Variants in SCRIB observed in about 807,000 individuals in gnomAD.
SCRIB encodes the protein scribble planar cell polarity protein.
SCRIB carries 72 observed loss-of-function variants against 170.0 expected under a neutral mutation model. The ratio of observed to expected loss-of-function variants is 0.42; its 90% CI spans 0.35 to 0.52. The LOEUF is 0.52. Ranked by LOEUF, SCRIB falls within the 20% of genes least tolerant of loss-of-function variation. The probability of loss-of-function intolerance (pLI) is 0.02; values close to 1 mark genes in which losing one functional copy is unlikely to be tolerated. For missense variants in SCRIB, 2,475 were observed against 2,338.5 expected, an observed-to-expected ratio of 1.06 and a Z score of -1.20; for synonymous variants, 1,298 against 1,044.3, an observed-to-expected ratio of 1.24 and a Z score of -4.68.
rs781942367 is a variant in SCRIB, at chr8:143,804,551, G to A, written c.3009+17C>T. ...GCTGAAGCTGGGTGGGTGCCTGGGT[G>A]GGGGCTTGTGTCTCACCTCCACTGG... On this transcript the variant is annotated intron_variant, in intron 21 of 36. Coordinates refer to ENST00000356994, the MANE Select transcript of SCRIB (RefSeq NM_182706.5). The A allele has an allele frequency of 1.7e-5, 25 of 1,490,308 alleles. No individual in the cohort carries two copies. Among genetic ancestry groups the A allele is most frequent in the Admixed American group, 7.0e-5 (3 of 43,126 alleles). The allele number at this position is 1,490,308 out of a possible 1,614,324, so 92.3% of individuals were successfully genotyped here. A position where few individuals can be genotyped will look rare whatever the true frequency, so the allele number is the denominator to read the frequency against.
Position 143,813,863 on chromosome 8 carries a change from C to A in SCRIB, c.311G>T (p.Cys104Phe). The change falls in exon 3 of 37, where the codon TGC (cysteine) becomes TTC (phenylalanine). Residue 104 changes from cysteine to phenylalanine, a missense_variant. This residue lies in a region of SCRIB where 487 missense variants were observed against 558.1 expected (regional missense o/e 0.87). Transcript: ENST00000356994. Reference protein sequence around the residue: ...IPEIPESIKFCKALEIADFSG... With the variant: ...IPEIPESIKFFKALEIADFSG... ...GAAGTCCGCGATCTCCAGAGCCTTG[C>A]AGAACTTGATGCTCTCCGGGATCTC... 1 of 1,609,520 alleles carries A rather than the reference C, an allele frequency of 6.2e-7. No homozygotes were observed. The highest frequency in any genetic ancestry group is 8.5e-7 in the Non-Finnish European group (1 of 1,177,112).
At position 143,809,836 on chromosome 8, in the gene SCRIB, G is replaced by A. The variant is rs200567180; in HGVS notation, c.1531-118C>T. The A allele has an allele frequency of 3.6e-5, 43 of 1,180,290 alleles. No homozygotes were observed. The East Asian group carries it at 7.6e-4, about 21-fold the overall frequency. 73.1% of individuals were successfully genotyped at this position (1,180,290 alleles called of 1,614,324 possible). A position where few individuals can be genotyped will look rare whatever the true frequency, so the allele number is the denominator to read the frequency against. Reference sequence around the variant, plus strand: ...CTTCCCGCTGCCCCGACCAGGCACCGTTAACGGGCTCACGCCCTCGCAGCT... The same window carrying A: ...CTTCCCGCTGCCCCGACCAGGCACCATTAACGGGCTCACGCCCTCGCAGCT... On this transcript the variant is annotated intron_variant, in intron 13 of 36. Coordinates refer to ENST00000356994, the MANE Select transcript of SCRIB (RefSeq NM_182706.5).
Position 143,791,725 on chromosome 8 carries a change from T to A in SCRIB, c.4711A>T (p.Lys1571Ter). The A allele has an allele frequency of 1.9e-6, 3 of 1,599,602 alleles. No individual in the cohort carries two copies. The highest frequency in any genetic ancestry group is 2.6e-6 in the Non-Finnish European group (3 of 1,169,606). The change falls in exon 35 of 37, where the codon AAG (lysine) becomes TAG (stop). Residue 1571 changes from lysine to a stop codon, truncating the protein, a stop_gained. Transcript: ENST00000356994. LOFTEE classifies it high-confidence loss of function. ...GCCGCAAAGGCCCTGTAGTCAAACT[T>A]CTTTCCAGACAAGGGCTTGAAAGGA... ...SPGRLPLSGK[K>*]FDYRAFAALP... is the part of the protein sequence containing the mutation.
Position 143,808,697 on chromosome 8 carries a change from TCCTCTTCCTCCTCCTCCTGAGGACTAC to T in SCRIB, c.2000_2026del (p.Gly667_Glu675del), listed in dbSNP as rs765900282. 157 of 1,552,136 alleles carry T rather than the reference TCCTCTTCCTCCTCCTCCTGAGGACTAC, an allele frequency of 1.0e-4. No homozygotes were observed. The South Asian group carries it at 1.3e-3, about 13-fold the overall frequency. ...CTCTTCAGCCCTGTTTTCCTCCTCC[TCCTCTTCCTCCTCCTCCTGAGGACTAC>T]CCTCTTCCTCCTCCTCCTCCTCCTT... On this transcript the variant is annotated inframe_deletion, in exon 15 of 37. Coordinates refer to ENST00000356994, the MANE Select transcript of SCRIB (RefSeq NM_182706.5).
chr8:143,813,977 C>A, intron 2 of SCRIB, 24 bp downstream of exon 2: 2 of 1,575,132 alleles, frequency 1.3e-6, no homozygotes, highest in Non-Finnish European at 8.6e-7. Context: ...CAGACCCCAC[C>A]CAGCCCCTGC....
Position 143,813,815 on chromosome 8 carries a change from C to A in SCRIB, c.356+3G>T, listed in dbSNP as rs762532858. The stretch of plus-strand genomic sequence containing the variant: ...ACCGACCCCACCACAGGCTGCCACC[C>A]ACCTGGAGAGGGGGTTCCCGCTGAA... On this transcript the variant is annotated splice_donor_region_variant and intron_variant, in intron 3 of 36. Coordinates refer to ENST00000356994, the MANE Select transcript of SCRIB (RefSeq NM_182706.5). 4 of 1,608,718 alleles carry A rather than the reference C, an allele frequency of 2.5e-6. No homozygotes were observed. The highest frequency in any genetic ancestry group is 3.4e-6 in the Non-Finnish European group (4 of 1,176,754).
rs781840785 is a variant in SCRIB at position 143,805,109 on chromosome 8, C to T, written c.2670+3G>A. On this transcript the variant is annotated splice_donor_region_variant and intron_variant, in intron 19 of 36. Coordinates refer to ENST00000356994, the MANE Select transcript of SCRIB (RefSeq NM_182706.5). ...CCTCCCCGGCCCTGGGCCCCAGCCTCACCGCATCACCAGCCCTGTAGGGTG... is the reference window on the plus strand; with the variant it reads ...CCTCCCCGGCCCTGGGCCCCAGCCTTACCGCATCACCAGCCCTGTAGGGTG... 1.3e-6 allele frequency: 2 copies of T among 1,598,768 alleles called. No homozygotes were observed. Among genetic ancestry groups the T allele is most frequent in the Non-Finnish European group, 1.7e-6 (2 of 1,172,754 alleles).
chr8:143,791,118 G>C lies in SCRIB; in HGVS notation c.*45C>G. 1 of 1,383,276 alleles carries C rather than the reference G, an allele frequency of 7.2e-7. No individual in the cohort carries two copies. The highest frequency in any genetic ancestry group is 9.4e-7 in the Non-Finnish European group (1 of 1,069,100). 85.7% of individuals were successfully genotyped at this position (1,383,276 alleles called of 1,614,324 possible). ...GACTTGGGGCAAGGGTGGTGCTGGAGCTGGCAGGGCCCCCACCCCAAGTCT... is the reference window on the plus strand; with the variant it reads ...GACTTGGGGCAAGGGTGGTGCTGGACCTGGCAGGGCCCCCACCCCAAGTCT... On this transcript the variant is annotated 3_prime_UTR_variant, in exon 37 of 37. Transcript: ENST00000356994.
chr8:143,813,428 T>C lies in SCRIB; in HGVS notation c.503+42A>G, dbSNP rs201783859. The C allele has an allele frequency of 4.8e-4, 771 of 1,612,608 alleles. 5 individuals are homozygous for C. The East Asian group carries it at 0.016, about 33-fold the overall frequency. ...CCACGCAGCCCTGGTCCCTGGGCTG[T>C]GGCCCTGCCCTGGCTGTTAGGAGAA... On this transcript the variant is annotated intron_variant, in intron 5 of 36. Coordinates refer to ENST00000356994, the MANE Select transcript of SCRIB (RefSeq NM_182706.5).
intron 2 of SCRIB, 49 bp downstream of exon 2, chr8:143,813,952 C>A: frequency 6.3e-7 from 1 of 1,585,408 alleles, no homozygotes; most frequent in South Asian, 1.1e-5. Flanking sequence ...GTCTGCAGCC[C>A]CAGCGGACAC....
chr8:143,815,172 T>C (rs1325480449), intron 1 of SCRIB, 42 bp downstream of exon 1: 1 of 1,514,846 alleles, frequency 6.6e-7, no homozygotes, highest in Non-Finnish European at 8.8e-7. Context: ...AATCACGGGC[T>C]GGGGGCGCGC....
chr8:143,810,501 C>G lies in SCRIB; in HGVS notation c.1508G>C (p.Gly503Ala). 1 of 1,611,102 alleles carries G rather than the reference C, an allele frequency of 6.2e-7. No homozygotes were observed. The highest frequency in any genetic ancestry group is 8.5e-7 in the Non-Finnish European group (1 of 1,179,904). ...CACCTCCTCTGCAGGCAAGGGCGACCCAGAGTCTGGCTGGCAAGGGCAGGC... is the reference window on the plus strand; with the variant it reads ...CACCTCCTCTGCAGGCAAGGGCGACGCAGAGTCTGGCTGGCAAGGGCAGGC... ...SEACPCQPDS[G>A]SPLPAEEEKR... Residue 503 changes from glycine to alanine, a missense_variant, in exon 13 of 37, where the codon GGG (glycine) becomes GCG (alanine). Coordinates refer to ENST00000356994, the MANE Select transcript of SCRIB (RefSeq NM_182706.5).
At chr8:143,795,212 C>T (rs553114581) in intron 26 of SCRIB, 65 bp downstream of exon 26, 4 of 1,605,078 alleles carry the variant, frequency 2.5e-6, no homozygotes, top group East Asian at 4.5e-5. Flanking sequence ...CTACCCAGCA[C>T]CCCACAGGCA....
At chr8:143,814,395 C>T (rs1563810050) in intron 1 of SCRIB, among the ~76,000 whole-genome samples, 2 of 152,156 alleles carry the variant, frequency 1.3e-5, no homozygotes, top group Admixed American at 6.5e-5. Context: ...AATCCCCTAC[C>T]CTGTGTCTTA....
intron 35 of SCRIB, 29 bp downstream of exon 35, chr8:143,791,637 A>G (rs782554857): frequency 2.8e-5 from 44 of 1,579,254 alleles, no homozygotes; most frequent in Non-Finnish European, 3.7e-5. Context: ...ACAGGGTGGC[A>G]GGCATGCAGA....
At chr8:143,812,037 C>A (rs529886424) in intron 9 of SCRIB, among the ~76,000 whole-genome samples, 1 of 152,310 alleles carries the variant, frequency 6.6e-6, no homozygotes, top group African/African-American at 2.4e-5. Flanking sequence ...GCGATAAACA[C>A]GAGACCTAGA....
intron 8 of SCRIB, 31 bp from the exon 9 acceptor site, chr8:143,812,415 G>C: frequency 1.3e-6 from 2 of 1,503,528 alleles, no homozygotes; most frequent in Non-Finnish European, 1.9e-6. Context: ...GGACAAGGCT[G>C]AGCATGGTCC....
rs781354954 is a variant in SCRIB, at chr8:143,808,824, G to A, written c.1900C>T (p.Pro634Ser). 2 of 1,611,892 alleles carry A rather than the reference G, an allele frequency of 1.2e-6. No homozygotes were observed. The highest frequency in any genetic ancestry group is 1.7e-6 in the Non-Finnish European group (2 of 1,179,776). The change falls in exon 15 of 37, where the codon CCT becomes TCT. Residue 634 changes from proline (P) to serine (S), a missense_variant. This residue lies in a region of SCRIB where 1,966 missense variants were observed against 1,742.9 expected (regional missense o/e 1.13). Coordinates refer to ENST00000356994, the MANE Select transcript of SCRIB (RefSeq NM_182706.5). Reference sequence around the variant, plus strand: ...GGAGCCACAGGGCCCTCCCCATCAGGCTGCATGCCCTGCAGCAGAGCCACA... The same window carrying A: ...GGAGCCACAGGGCCCTCCCCATCAGACTGCATGCCCTGCAGCAGAGCCACA... ...AVVALLQGMQ[P>S]DGEGPVAPGG...
intron 9 of SCRIB, 34 bp downstream of exon 9, chr8:143,812,232 C>G: frequency 7.3e-7 from 1 of 1,376,050 alleles, no homozygotes; most frequent in Non-Finnish European, 1.0e-6. Context: ...CCCCCGACGG[C>G]CCCATCCTTT....
Sources: gnomAD v4.1 joint callset for allele counts (sites outside exome capture counted in the v4.1 genomes callset) on GRCh38, gnomAD v4.1.1 for gene constraint, gnomAD v4.1.1 regional missense constraint, MANE v1.5 for transcripts, NCBI Gene and HGNC (gene_info 2026-07-23, HGNC 2026-07-21) for gene names.